Variants in TLK2 observed in about 807,000 individuals in gnomAD.
TLK2 encodes the protein serine/threonine-protein kinase tousled-like 2.
Under a neutral mutation model 117.3 loss-of-function variants are expected in TLK2, and 6 were observed. That is an observed-to-expected ratio of 0.05 (90% CI 0.03 to 0.10). The LOEUF is 0.10. Ranked by LOEUF, TLK2 falls within the 10% of genes least tolerant of loss-of-function variation. The probability of loss-of-function intolerance (pLI) is 1.00; values close to 1 mark genes in which losing one functional copy is unlikely to be tolerated. For missense variants in TLK2, 299 were observed against 901.2 expected, an observed-to-expected ratio of 0.33 and a Z score of 8.56; for synonymous variants, 257 against 316.7, an observed-to-expected ratio of 0.81 and a Z score of 2.00.
At chr17:62,564,396 C>T (rs1455798283) in intron 10 of TLK2, among the ~76,000 whole-genome samples, 1 of 152,046 alleles carries the variant, frequency 6.6e-6, no homozygotes, top group Non-Finnish European at 1.5e-5. Context: ...ATTAGCTGGG[C>T]ATGGTGGCAT....
At chr17:62,552,547 G>C (rs2078549440) in intron 8 of TLK2, 150 bp downstream of exon 8, 1 of 1,387,142 alleles carries the variant, frequency 7.2e-7, no homozygotes, top group African/African-American at 1.5e-5. Flanking sequence ...CTTGCATTAT[G>C]GGTATTTAAA....
intron 2 of TLK2, among the ~76,000 whole-genome samples, chr17:62,501,603 A>T (rs1426789070): frequency 1.3e-5 from 2 of 148,254 alleles, no homozygotes; most frequent in African/African-American, 5.0e-5. Context: ...AAAACAAATT[A>T]AAAAAAAAAG....
chr17:62,502,953 T>C (rs1422164888), intron 2 of TLK2, among the ~76,000 whole-genome samples: 1 of 151,904 alleles, frequency 6.6e-6, no homozygotes, highest in Non-Finnish European at 1.5e-5. Flanking sequence ...GATATAGTAG[T>C]GAATAAAAAC....
intron 6 of TLK2, among the ~76,000 whole-genome samples, chr17:62,533,620 G>T (rs1442598792): frequency 1.3e-5 from 2 of 151,788 alleles, no homozygotes; most frequent in Non-Finnish European, 2.9e-5. Flanking sequence ...GGGACTACAG[G>T]CATGTGCCAC....
chr17:62,580,252 G>A (rs2081111460), intron 15 of TLK2, 60 bp downstream of exon 15: 37 of 1,290,074 alleles, frequency 2.9e-5, no homozygotes, highest in Non-Finnish European at 3.8e-5. Context: ...CTACCAACTT[G>A]GAGAACATTA....
chr17:62,506,688 C>G (rs2074721554), intron 2 of TLK2, among the ~76,000 whole-genome samples: 1 of 151,922 alleles, frequency 6.6e-6, no homozygotes, highest in Non-Finnish European at 1.5e-5. Flanking sequence ...TCTTTGTTTT[C>G]TTTACTGTGA....
chr17:62,533,695 T>G (rs1425445904), intron 6 of TLK2, among the ~76,000 whole-genome samples: 1 of 152,054 alleles, frequency 6.6e-6, no homozygotes, highest in African/African-American at 2.4e-5. Context: ...CAGGCTGGTC[T>G]CAAACTCCTG....
At chr17:62,537,581 G>A (rs140900494) in intron 7 of TLK2, among the ~76,000 whole-genome samples, 64 of 152,288 alleles carry the variant, frequency 4.2e-4, no homozygotes, top group South Asian at 3.7e-3. Context: ...GTAGGTGTGT[G>A]TGTGCAACAG....
chr17:62,509,133 G>A (rs1281241074), intron 2 of TLK2, among the ~76,000 whole-genome samples: 1 of 151,954 alleles, frequency 6.6e-6, no homozygotes, highest in Non-Finnish European at 1.5e-5. Flanking sequence ...CTGTCACCCA[G>A]GCTAGAGTGC....
chr17:62,540,498 A>G (rs1400239564), intron 7 of TLK2, among the ~76,000 whole-genome samples: 1 of 143,534 alleles, frequency 7.0e-6, no homozygotes, highest in East Asian at 2.1e-4. Flanking sequence ...CCCAGGTTCA[A>G]GCCGGTTCTC....
intron 10 of TLK2, among the ~76,000 whole-genome samples, chr17:62,560,943 C>T (rs566654699): frequency 1.3e-5 from 2 of 152,170 alleles, no homozygotes; most frequent in Admixed American, 6.5e-5. Flanking sequence ...CGTCATTTAA[C>T]GTTAGGTGTA....
In TLK2 at chr17:62,522,227, C is replaced by A. The variant is rs142630727; in HGVS notation, c.177C>A (p.Asp59Glu). 11 of 1,612,982 alleles carry A rather than the reference C, an allele frequency of 6.8e-6. No homozygotes were observed. In the African/African-American group the frequency reaches 1.3e-4, roughly 20 times the overall value. ...EVETPEKKQNDQRNRKRKAEP... is the reference protein window; with the variant it reads ...EVETPEKKQNEQRNRKRKAEP... Reference sequence around the variant, plus strand: ...AGACTCCCGAGAAAAAGCAGAATGACCAGCGAAATCGGAAAAGAAAAGCTG... The same window carrying A: ...AGACTCCCGAGAAAAAGCAGAATGAACAGCGAAATCGGAAAAGAAAAGCTG... Residue 59 changes from aspartate (D) to glutamate (E), a missense_variant, in exon 4 of 22, where the codon GAC becomes GAA. Physicochemically the swap from Asp to Glu is conservative, Grantham distance 45. Transcript: ENST00000346027.
intron 2 of TLK2, among the ~76,000 whole-genome samples, chr17:62,517,240 T>C (rs1356083424): frequency 2.0e-5 from 3 of 151,902 alleles, no homozygotes; most frequent in Non-Finnish European, 2.9e-5. Context: ...ACTTTCACCA[T>C]TGAATAGCCT....
chr17:62,493,547 G>A (rs546571637), intron 2 of TLK2, among the ~76,000 whole-genome samples: 1 of 152,306 alleles, frequency 6.6e-6, no homozygotes, highest in South Asian at 2.1e-4. Flanking sequence ...GTACTCTTTT[G>A]TTGACCTCCT....
intron 20 of TLK2, 122 bp downstream of exon 20, chr17:62,606,363 A>G: frequency 2.1e-6 from 1 of 486,752 alleles, no homozygotes. Flanking sequence ...TAGAATCCTG[A>G]AAGGAGTGGT....
At chr17:62,548,234 A>ATGTGTGTGTG (rs1453535173) in intron 7 of TLK2, among the ~76,000 whole-genome samples, 1 of 36,992 alleles carries the variant, frequency 2.7e-5, no homozygotes, top group Non-Finnish European at 8.6e-5. Flanking sequence ...GGCCATATAT[A>ATGTGTGTGTG]TATATATGTG....
chr17:62,519,584 C>T (rs887549173), intron 2 of TLK2, among the ~76,000 whole-genome samples: 3 of 152,006 alleles, frequency 2.0e-5, no homozygotes, highest in Non-Finnish European at 4.4e-5. Context: ...GAGGCGGAGG[C>T]GGGTGGATCA....
intron 2 of TLK2, among the ~76,000 whole-genome samples, chr17:62,514,256 G>A (rs1370426403): frequency 6.6e-6 from 1 of 150,956 alleles, no homozygotes; most frequent in African/African-American, 2.4e-5. Context: ...CGATTCTTCT[G>A]CCTCAGCCTC....
At chr17:62,524,925 G>A (rs149450474) in intron 6 of TLK2, among the ~76,000 whole-genome samples, 2,712 of 152,254 alleles carry the variant, frequency 0.018, 74 homozygotes, top group African/African-American at 0.061. Flanking sequence ...CATCTACTGG[G>A]CAGAAGTCAG....
Sources: allele counts gnomAD v4.1 joint callset (sites outside exome capture counted in the v4.1 genomes callset), GRCh38; gene constraint gnomAD v4.1.1; transcripts MANE v1.5; gene names NCBI Gene and HGNC (gene_info 2026-07-23, HGNC 2026-07-21).